The following TSHZ2 variants were observed in gnomAD, a reference collection of about 807,000 sequenced individuals.
The protein encoded by TSHZ2 is teashirt zinc finger homeobox 2.
TSHZ2 carries 21 observed loss-of-function variants against 74.4 expected under a neutral mutation model. That is an observed-to-expected ratio of 0.28 (90% CI 0.20 to 0.41). The LOEUF (loss-of-function observed/expected upper bound fraction) is 0.41. Ranked by LOEUF, TSHZ2 falls within the 10% of genes least tolerant of loss-of-function variation. The pLI is 1.00. For missense variants in TSHZ2, 1,244 were observed against 1,293.5 expected, an observed-to-expected ratio of 0.96 and a Z score of 0.59; for synonymous variants, 540 against 515.3, an observed-to-expected ratio of 1.05 and a Z score of -0.65.
intron 1 of TSHZ2, among the ~76,000 whole-genome samples, chr20:53,106,858 C>T (rs1326327805): frequency 2.0e-5 from 3 of 152,034 alleles, no homozygotes; most frequent in East Asian, 1.9e-4. Context: ...CCACCACGCC[C>T]AGCTAATTTT....
chr20:53,251,582 C>T (rs895578438), intron 1 of TSHZ2, among the ~76,000 whole-genome samples: 1 of 152,032 alleles, frequency 6.6e-6, no homozygotes, highest in Non-Finnish European at 1.5e-5. Flanking sequence ...ATCTTTGAAG[C>T]TAGAGACCAG....
At chr20:53,306,103 C>T (rs1978533198) in intron 2 of TSHZ2, among the ~76,000 whole-genome samples, 1 of 152,168 alleles carries the variant, frequency 6.6e-6, no homozygotes, top group Non-Finnish European at 1.5e-5. Context: ...GCTCACTCAT[C>T]TTGGGGTCTC....
At chr20:53,397,267 A>C (rs556718608) in intron 2 of TSHZ2, among the ~76,000 whole-genome samples, 1 of 152,352 alleles carries the variant, frequency 6.6e-6, no homozygotes, top group Admixed American at 6.5e-5. Flanking sequence ...AAGAACTTAA[A>C]CAAATTTACA....
At chr20:53,059,442 GA>G in intron 1 of TSHZ2, among the ~76,000 whole-genome samples, 1 of 152,014 alleles carries the variant, frequency 6.6e-6, no homozygotes. Flanking sequence ...AAAAGACTAG[GA>G]AAAAATAAAT....
chr20:53,212,769 C>T (rs539724698), intron 1 of TSHZ2, among the ~76,000 whole-genome samples: 9 of 152,290 alleles, frequency 5.9e-5, no homozygotes, highest in East Asian at 1.9e-4. Context: ...AGATTGAGAA[C>T]CAGCAGGAAA....
At chr20:53,169,788 TAATA>T (rs1460917363) in intron 1 of TSHZ2, among the ~76,000 whole-genome samples, 6 of 152,210 alleles carry the variant, frequency 3.9e-5, no homozygotes, top group Non-Finnish European at 4.4e-5. Context: ...GCATATCAAT[TAATA>T]AATTTTGCAC....
intron 1 of TSHZ2, among the ~76,000 whole-genome samples, chr20:53,104,685 C>T (rs1240928181): frequency 6.6e-6 from 1 of 152,112 alleles, no homozygotes; most frequent in Non-Finnish European, 1.5e-5. Flanking sequence ...AACTGGTGTT[C>T]GTGAAGAACT....
chr20:53,089,864 C>T (rs1985822989), intron 1 of TSHZ2, among the ~76,000 whole-genome samples: 2 of 152,164 alleles, frequency 1.3e-5, no homozygotes. Context: ...CAGGGTTCTC[C>T]AGAGGGACAG....
intron 2 of TSHZ2, among the ~76,000 whole-genome samples, chr20:53,329,613 A>G (rs1600813427): frequency 7.3e-6 from 1 of 137,926 alleles, no homozygotes; most frequent in East Asian, 2.3e-4. Flanking sequence ...GGTCATAAAC[A>G]TGGGCCTTGC....
At chr20:53,207,386 A>G (rs1989194598) in intron 1 of TSHZ2, among the ~76,000 whole-genome samples, 1 of 152,136 alleles carries the variant, frequency 6.6e-6, no homozygotes, top group African/African-American at 2.4e-5. Flanking sequence ...CAGGAGTGAC[A>G]GGTTCCCTCT....
intron 1 of TSHZ2, among the ~76,000 whole-genome samples, chr20:53,194,834 A>G (rs1323900794): frequency 6.6e-6 from 1 of 152,226 alleles, no homozygotes; most frequent in African/African-American, 2.4e-5. Context: ...AATGTCCATT[A>G]TGGATGTGAA....
intron 2 of TSHZ2, among the ~76,000 whole-genome samples, chr20:53,270,765 A>T (rs1010690378): frequency 4.6e-5 from 7 of 152,300 alleles, no homozygotes; most frequent in Admixed American, 1.3e-4. Context: ...TCAAATGTGC[A>T]TGGTTTTATT....
chr20:53,280,774 C>T (rs1600786711), intron 2 of TSHZ2, among the ~76,000 whole-genome samples: 1 of 152,074 alleles, frequency 6.6e-6, no homozygotes, highest in African/African-American at 2.4e-5. Context: ...CTCACTGCAA[C>T]CTCCGCCTCC....
intron 2 of TSHZ2, among the ~76,000 whole-genome samples, chr20:53,327,931 A>T (rs533319434): frequency 6.6e-6 from 1 of 152,366 alleles, no homozygotes; most frequent in South Asian, 2.1e-4. Context: ...GCGAGAGTGC[A>T]CTTTGCATTT....
At chr20:53,068,955 TAAAA>T (rs1985082361) in intron 1 of TSHZ2, among the ~76,000 whole-genome samples, 1 of 150,860 alleles carries the variant, frequency 6.6e-6, no homozygotes, top group Non-Finnish European at 1.5e-5. Flanking sequence ...CCGTTTTTCT[TAAAA>T]TAAAAAAAAA....
chr20:53,409,028 G>A (rs1168613142), intron 2 of TSHZ2, among the ~76,000 whole-genome samples: 2 of 152,152 alleles, frequency 1.3e-5, no homozygotes, highest in East Asian at 3.8e-4. Context: ...TTTAGGACGT[G>A]CACTGTTTGA....
chr20:53,412,181 G>A (rs186320919), intron 2 of TSHZ2, among the ~76,000 whole-genome samples: 2 of 152,268 alleles, frequency 1.3e-5, no homozygotes, highest in East Asian at 3.9e-4. Context: ...TAACACGTCC[G>A]GTCCTGCTCT....
chr20:53,239,294 C>G (rs771248271), intron 1 of TSHZ2, among the ~76,000 whole-genome samples: 1 of 152,160 alleles, frequency 6.6e-6, no homozygotes. Context: ...AGTGTCCTCT[C>G]AGGAAGCTGG....
chr20:53,254,641 C>G lies in TSHZ2; in HGVS notation c.1183C>G (p.Leu395Val). 6.2e-7 allele frequency: 1 copy of G among 1,614,130 alleles called. No individual in the cohort carries two copies. ...CGSSHDTLQQ[L>V]TTHMMVTGHF... ...GAGCTCCCATGACACCTTGCAGCAG[C>G]TCACCACCCACATGATGGTCACAGG... Residue 395 changes from leucine (L) to valine (V), a missense_variant, in exon 2 of 3, where the codon CTC becomes GTC. This residue lies in a region of TSHZ2 where 18 missense variants were observed against 42.1 expected (regional missense o/e 0.43). Transcript: ENST00000371497.
Sources: gnomAD v4.1 joint callset for allele counts (sites outside exome capture counted in the v4.1 genomes callset) on GRCh38, gnomAD v4.1.1 for gene constraint, gnomAD v4.1.1 regional missense constraint, MANE v1.5 for transcripts, NCBI Gene and HGNC (gene_info 2026-07-23, HGNC 2026-07-21) for gene names.